The following GRID1 variants were observed in gnomAD, a reference collection of about 807,000 sequenced individuals.
The protein encoded by GRID1 is glutamate receptor ionotropic, delta-1.
GRID1 carries 28 observed loss-of-function variants against 98.0 expected under a neutral mutation model. The observed-to-expected ratio is 0.29, with a 90% CI of 0.21 to 0.39. The LOEUF is 0.39. Among genes scored for constraint, GRID1 ranks in the 10% least tolerant of loss-of-function variants. The pLI is 1.00. For synonymous variants in GRID1, 553 were observed against 538.5 expected (o/e 1.03, Z -0.37); for missense variants, 1,111 against 1,340.5 (o/e 0.83, Z 2.67).
intron 8 of GRID1, among the ~76,000 whole-genome samples, chr10:85,743,217 C>T (rs999596090): frequency 1.3e-5 from 2 of 151,222 alleles, no homozygotes; most frequent in African/African-American, 4.9e-5. Flanking sequence ...GTGGGTCCCA[C>T]ATGGATCCCA....
chr10:86,218,967 T>C (rs979917035), intron 2 of GRID1, among the ~76,000 whole-genome samples: 1 of 152,170 alleles, frequency 6.6e-6, no homozygotes, highest in African/African-American at 2.4e-5. Flanking sequence ...CCACCCACTA[T>C]CGACAGCACA....
chr10:86,285,551 G>A (rs1366320002), intron 2 of GRID1, among the ~76,000 whole-genome samples: 1 of 152,178 alleles, frequency 6.6e-6, no homozygotes, highest in Non-Finnish European at 1.5e-5. Flanking sequence ...CCACCTCCAA[G>A]AGACCAGCAC....
chr10:85,885,172 G>T (rs1347278817), intron 5 of GRID1, among the ~76,000 whole-genome samples: 2 of 152,166 alleles, frequency 1.3e-5, no homozygotes, highest in African/African-American at 4.8e-5. Context: ...TACTTCACTT[G>T]CAAAGTGTTA....
intron 8 of GRID1, among the ~76,000 whole-genome samples, chr10:85,813,867 G>T (rs1842694328): frequency 6.6e-6 from 1 of 151,736 alleles, no homozygotes; most frequent in South Asian, 2.1e-4. Flanking sequence ...AGGGAGGAGA[G>T]TTATAGGGAC....
chr10:86,244,228 T>C (rs1846685341), intron 2 of GRID1, among the ~76,000 whole-genome samples: 1 of 152,116 alleles, frequency 6.6e-6, no homozygotes, highest in Non-Finnish European at 1.5e-5. Context: ...AGGTCAGTAA[T>C]CCTGTCATAG....
At chr10:85,869,347 T>G (rs1564614151) in intron 5 of GRID1, among the ~76,000 whole-genome samples, 167 bp from the exon 6 acceptor site, 1 of 152,212 alleles carries the variant, frequency 6.6e-6, no homozygotes, top group Non-Finnish European at 1.5e-5. Flanking sequence ...AAATAATACT[T>G]GCTATCCCTT....
chr10:86,161,458 A>AC (rs1204817963), intron 3 of GRID1, among the ~76,000 whole-genome samples: 1 of 151,810 alleles, frequency 6.6e-6, no homozygotes, highest in Non-Finnish European at 1.5e-5. Flanking sequence ...AATGTGTGCT[A>AC]CCCCCACCGA....
intron 6 of GRID1, among the ~76,000 whole-genome samples, chr10:85,863,129 A>G (rs1010176215): frequency 4.6e-5 from 7 of 152,220 alleles, no homozygotes; most frequent in African/African-American, 1.4e-4. Flanking sequence ...GTAACAAAAA[A>G]ACACAGACTG....
intron 4 of GRID1, among the ~76,000 whole-genome samples, chr10:86,137,516 A>T (rs541954870): frequency 6.6e-6 from 1 of 152,342 alleles, no homozygotes; most frequent in Admixed American, 6.5e-5. Flanking sequence ...ATTAGTCGAT[A>T]CCATCACCAG....
At chr10:85,918,420 T>A (rs1841650885) in intron 4 of GRID1, among the ~76,000 whole-genome samples, 1 of 150,626 alleles carries the variant, frequency 6.6e-6, no homozygotes, top group Admixed American at 6.6e-5. Context: ...TCCCAAGGTA[T>A]GTAAAAGCAC....
At chr10:86,180,081 G>A (rs935871136) in intron 3 of GRID1, among the ~76,000 whole-genome samples, 8 of 152,216 alleles carry the variant, frequency 5.3e-5, no homozygotes, top group Admixed American at 5.2e-4. Flanking sequence ...AGTGGGCAGG[G>A]CGGAGCAGGA....
rs74923337 is a variant in GRID1 at position 85,747,368 on chromosome 10, C to T, written c.1234-17754G>A. Among the ~76,000 whole-genome samples the T allele has an allele frequency of 1.9e-4, 29 of 152,242 alleles. No homozygotes were observed. The East Asian group carries it at 5.2e-3, about 27-fold the overall frequency. ...GTTAACTTCCACAGTGATGAAATCT[C>T]ATCTGGACTGGGACTGCTGATGAAG... On this transcript the variant is annotated intron_variant, in intron 8 of 15. Coordinates refer to ENST00000327946, the MANE Select transcript of GRID1 (RefSeq NM_017551.3).
chr10:85,844,282 A>G (rs1842986283), intron 8 of GRID1, among the ~76,000 whole-genome samples: 1 of 152,122 alleles, frequency 6.6e-6, no homozygotes, highest in African/African-American at 2.4e-5. Flanking sequence ...CAAGAAGGGC[A>G]GGGAGGTATG....
At chr10:85,904,647 T>C (rs956126497) in intron 5 of GRID1, among the ~76,000 whole-genome samples, 1 of 151,228 alleles carries the variant, frequency 6.6e-6, no homozygotes, top group Non-Finnish European at 1.5e-5. Flanking sequence ...AAAATATAAG[T>C]AGAGACATTG....
chr10:86,120,715 T>C (rs756073497), intron 4 of GRID1, among the ~76,000 whole-genome samples: 1 of 152,220 alleles, frequency 6.6e-6, no homozygotes, highest in Non-Finnish European at 1.5e-5. Context: ...GAATAATTAA[T>C]GTCAAGGTAT....
chr10:85,921,425 G>C (rs904074684), intron 4 of GRID1, among the ~76,000 whole-genome samples: 1 of 152,210 alleles, frequency 6.6e-6, no homozygotes, highest in African/African-American at 2.4e-5. Context: ...CCTTTTCCCA[G>C]TGACACCCAA....
chr10:86,350,833 C>T (rs1258778913), intron 2 of GRID1, among the ~76,000 whole-genome samples: 2 of 152,128 alleles, frequency 1.3e-5, no homozygotes, highest in Non-Finnish European at 2.9e-5. Flanking sequence ...TGAAAATATA[C>T]AATAAATTGT....
At chr10:85,696,008 A>G (rs2132616546) in intron 12 of GRID1, among the ~76,000 whole-genome samples, 1 of 152,274 alleles carries the variant, frequency 6.6e-6, no homozygotes, top group Admixed American at 6.5e-5. Flanking sequence ...CCACTGAGCT[A>G]AGCTTTATCT....
chr10:85,682,181 G>A (rs567816441), intron 12 of GRID1, among the ~76,000 whole-genome samples: 265 of 152,340 alleles, frequency 1.7e-3, no homozygotes, highest in African/African-American at 6.0e-3. Flanking sequence ...ATAGAGATAA[G>A]TCCCAAGACC....
Sources: gnomAD v4.1 joint callset for allele counts (sites outside exome capture counted in the v4.1 genomes callset) on GRCh38, gnomAD v4.1.1 for gene constraint, MANE v1.5 for transcripts, NCBI Gene and HGNC (gene_info 2026-07-23, HGNC 2026-07-21) for gene names.